ATG9A: variants seen among roughly 807,000 people sequenced by gnomAD.
The protein encoded by ATG9A is autophagy related 9A.
A neutral mutation model predicts 87.1 loss-of-function variants in ATG9A; 21 were observed. The observed-to-expected ratio is 0.24, with a 90% CI of 0.17 to 0.35. The LOEUF (loss-of-function observed/expected upper bound fraction) is 0.35, where lower values mean the gene tolerates loss of function less well. Ranked by LOEUF, ATG9A falls within the 10% of genes least tolerant of loss-of-function variation. ATG9A has a pLI of 1.00. For synonymous variants in ATG9A, 422 were observed against 441.3 expected (o/e 0.96, Z 0.55); for missense variants, 836 against 1,107.3 (o/e 0.76, Z 3.48).
At position 219,221,012 on chromosome 2, in the gene ATG9A, C is replaced by G. The variant is rs1028585866; in HGVS notation, c.2368+68G>C. Reference sequence around the variant, plus strand: ...TGTTCTCTCAGACCTCTTTCCTCCCCTTGAGAGGCCCTGGAAGAACCACCC... The same window carrying G: ...TGTTCTCTCAGACCTCTTTCCTCCCGTTGAGAGGCCCTGGAAGAACCACCC... On this transcript the variant is annotated intron_variant, in intron 14 of 15. Transcript: ENST00000361242. 4 of 1,594,336 alleles carry G rather than the reference C, an allele frequency of 2.5e-6. No individual in the cohort carries two copies. The African/African-American group carries it at 5.4e-5, about 21-fold the overall frequency.
Position 219,224,726 on chromosome 2 carries a change from G to A in ATG9A, c.645C>T (p.Phe215=). Residue 215 remains phenylalanine, a synonymous_variant, in exon 8 of 16, where the codon TTC becomes TTT. Coordinates refer to ENST00000361242, the MANE Select transcript of ATG9A (RefSeq NM_001077198.3). This position sits in a 1 kb window ranked among gnomAD's most constrained non-coding sequence, Gnocchi z 7.7. ...ELDIYHRILR[F]QNYMVALVNK... ...TAACCAGTGCCACCATGTAGTTCTG[G>A]AAACGGAGGATGCGGTGGTAGATGT... The A allele has an allele frequency of 6.2e-7, 1 of 1,614,240 alleles. No homozygotes were observed. Among genetic ancestry groups the A allele is most frequent in the Non-Finnish European group, 8.5e-7 (1 of 1,180,050 alleles).
At chr2:219,225,595 T>A in intron 5 of ATG9A, 23 bp from the exon 6 acceptor site, 1 of 1,610,740 alleles carries the variant, frequency 6.2e-7, no homozygotes, top group South Asian at 1.1e-5. Flanking sequence ...GAAGAAGGGG[T>A]GCAGTCTGAG....
Position 219,224,488 on chromosome 2 carries a change from T to C in ATG9A, c.883A>G (p.Ile295Val). ...RLSNRILWIG[I>V]ANFLLCPLIL... is the part of the protein sequence containing the mutation. ...AGGGGGCACAGCAGGAAGTTAGCGA[T>C]GCCAATCCACAGGATGCGGTTGCTG... The change falls in exon 8 of 16, where the codon ATC becomes GTC. Residue 295 changes from isoleucine to valine, a missense_variant. By Grantham distance (29) the Ile-to-Val change is conservative. This residue lies in a region of ATG9A where 512 missense variants were observed against 759.6 expected (regional missense o/e 0.67). Transcript: ENST00000361242. This position sits in a 1 kb window ranked among gnomAD's most constrained non-coding sequence, Gnocchi z 7.7. The C allele has an allele frequency of 3.1e-6, 5 of 1,614,094 alleles. No homozygotes were observed. The highest frequency in any genetic ancestry group is 4.2e-6 in the Non-Finnish European group (5 of 1,179,976).
chr2:219,222,568 C>T lies in ATG9A; in HGVS notation c.1848+77G>A. 1 of 1,593,910 alleles carries T rather than the reference C, an allele frequency of 6.3e-7. No homozygotes were observed. On this transcript the variant is annotated intron_variant, in intron 11 of 15. Coordinates refer to ENST00000361242, the MANE Select transcript of ATG9A (RefSeq NM_001077198.3). The surrounding 1 kb of genome is among the most constrained non-coding windows in gnomAD (Gnocchi z 4.3). ...ACTGAAGAGACAGCAGGAAGCCTTCCACCCCATGCCCGGTCCCTCAACTCC... is the reference window on the plus strand; with the variant it reads ...ACTGAAGAGACAGCAGGAAGCCTTCTACCCCATGCCCGGTCCCTCAACTCC...
chr2:219,221,452 A>C, intron 13 of ATG9A, 150 bp from the exon 14 acceptor site: 1 of 677,358 alleles, frequency 1.5e-6, no homozygotes, highest in East Asian at 3.0e-5. Flanking sequence ...TGTGTAATAT[A>C]CCTCTGATCT....
At position 219,223,820 on chromosome 2, in the gene ATG9A, C is replaced by T. The variant is rs774666866; in HGVS notation, c.1419+49G>A. The T allele has an allele frequency of 3.3e-5, 53 of 1,613,888 alleles. No homozygotes were observed. The highest frequency in any genetic ancestry group is 4.2e-5 in the Non-Finnish European group (50 of 1,179,990). ...GCAGGAGGGAGCCCAGCCCTCACCA[C>T]CGAGCTACCAGCCAGTCTCTAGCAG... On this transcript the variant is annotated intron_variant, in intron 9 of 15. Transcript: ENST00000361242. This position sits in a 1 kb window ranked among gnomAD's most constrained non-coding sequence, Gnocchi z 4.7.
In ATG9A at chr2:219,222,470, G is replaced by A; in HGVS notation, c.1849-20C>T. 1.3e-6 allele frequency: 2 copies of A among 1,545,286 alleles called. No individual in the cohort carries two copies. The highest frequency in any genetic ancestry group is 1.7e-6 in the Non-Finnish European group (2 of 1,147,530). The stretch of plus-strand genomic sequence containing the variant: ...CAGGGGCTATGAACGAAACGGGTAG[G>A]TAGAATTCTTGAGGCAAGAGAAAGG... On this transcript the variant is annotated intron_variant, in intron 11 of 15. Coordinates refer to ENST00000361242, the MANE Select transcript of ATG9A (RefSeq NM_001077198.3). The surrounding 1 kb of genome is among the most constrained non-coding windows in gnomAD (Gnocchi z 4.3).
Position 219,224,367 on chromosome 2 carries a change from T to TA in ATG9A, c.1003dup (p.Tyr335LeufsTer64). On this transcript the variant is annotated frameshift_variant, in exon 8 of 16. Transcript: ENST00000361242. LOFTEE classifies it high-confidence loss of function. The surrounding 1 kb of genome is among the most constrained non-coding windows in gnomAD (Gnocchi z 7.7). ...GAAGTGGCGGAGGTAGCAGCGGCCA[T>TA]AGAGTGACCAGCAGCGTGCTCCCAG... 6.2e-7 allele frequency: 1 copy of TA among 1,613,764 alleles called. No individual in the cohort carries two copies. The highest frequency in any genetic ancestry group is 8.5e-7 in the Non-Finnish European group (1 of 1,180,028).
At position 219,223,579 on chromosome 2, in the gene ATG9A, C is replaced by T; in HGVS notation, c.1599+6G>A. 6.3e-7 allele frequency: 1 copy of T among 1,591,104 alleles called. No individual in the cohort carries two copies. Among genetic ancestry groups the T allele is most frequent in the Non-Finnish European group, 8.6e-7 (1 of 1,167,440 alleles). On this transcript the variant is annotated splice_donor_region_variant and intron_variant, in intron 10 of 15. Coordinates refer to ENST00000361242, the MANE Select transcript of ATG9A (RefSeq NM_001077198.3). This position sits in a 1 kb window ranked among gnomAD's most constrained non-coding sequence, Gnocchi z 4.7. ...CAGGCCACCTGGCTCCCTCCTCTCC[C>T]AGTACCTGGGGATGACCATGCTGGC...
rs1950812693 is a variant in ATG9A, at chr2:219,223,854, T to C, written c.1419+15A>G. On this transcript the variant is annotated intron_variant, in intron 9 of 15. Transcript: ENST00000361242. The surrounding 1 kb of genome is among the most constrained non-coding windows in gnomAD (Gnocchi z 4.7). ...CAGCCAGTCTCTAGCAGGCCCTAAC[T>C]CCAACTCCACTCACTGCCTTGTACT... The C allele has an allele frequency of 1.9e-6, 3 of 1,613,814 alleles. No individual in the cohort carries two copies. The African/African-American group carries it at 4.0e-5, about 22-fold the overall frequency.
Position 219,222,260 on chromosome 2 carries a change from C to CCAA in ATG9A, c.2027+11_2027+12insTTG, listed in dbSNP as rs1950776152. ...CTGCCGTGCCCTCCCATCTTGGCCCCGATTTACTCACCCAGAGCCTGTCAT... is the reference window on the plus strand; with the variant it reads ...CTGCCGTGCCCTCCCATCTTGGCCCCCAAGATTTACTCACCCAGAGCCTGTCAT... On this transcript the variant is annotated intron_variant, in intron 12 of 15. Transcript: ENST00000361242. The surrounding 1 kb of genome is among the most constrained non-coding windows in gnomAD (Gnocchi z 4.3). The CCAA allele has an allele frequency of 1.2e-6, 2 of 1,613,352 alleles. No individual in the cohort carries two copies. Among genetic ancestry groups the CCAA allele is most frequent in the Non-Finnish European group, 1.7e-6 (2 of 1,179,998 alleles).
Position 219,223,081 on chromosome 2 carries a change from T to C in ATG9A, c.1600-188A>G, listed in dbSNP as rs1950794093. Among the ~76,000 whole-genome samples the C allele has an allele frequency of 6.6e-6, 1 of 150,732 alleles. No individual in the cohort carries two copies. On this transcript the variant is annotated intron_variant, in intron 10 of 15. Coordinates refer to ENST00000361242, the MANE Select transcript of ATG9A (RefSeq NM_001077198.3). The surrounding 1 kb of genome is among the most constrained non-coding windows in gnomAD (Gnocchi z 4.7). ...CTGCATGCTGAGCCAGTTACTTGTG[T>C]TGTGCCTTTTTTTTTTTTTTTTTTG...
At chr2:219,225,350 C>G in intron 6 of ATG9A, 61 bp downstream of exon 6, 1 of 1,600,528 alleles carries the variant, frequency 6.2e-7, no homozygotes, top group Non-Finnish European at 8.5e-7. Flanking sequence ...AGACTCCACT[C>G]TATTACCCAC....
chr2:219,226,978 A>G, intron 4 of ATG9A, 45 bp from the exon 5 acceptor site: 1 of 1,522,730 alleles, frequency 6.6e-7, no homozygotes, highest in South Asian at 1.1e-5. Context: ...AGCAGGTAAG[A>G]GCACAGACTT....
Position 219,223,790 on chromosome 2 carries a change from A to C in ATG9A, c.1420-26T>G. Reference sequence around the variant, plus strand: ...CTAAAAGGGCGGGACCAAGGTCACAAGCGAGCAGGAGGGAGCCCAGCCCTC... The same window carrying C: ...CTAAAAGGGCGGGACCAAGGTCACACGCGAGCAGGAGGGAGCCCAGCCCTC... On this transcript the variant is annotated intron_variant, in intron 9 of 15. Coordinates refer to ENST00000361242, the MANE Select transcript of ATG9A (RefSeq NM_001077198.3). This position sits in a 1 kb window ranked among gnomAD's most constrained non-coding sequence, Gnocchi z 4.7. 5.6e-6 allele frequency: 9 copies of C among 1,613,760 alleles called. No individual in the cohort carries two copies. Among genetic ancestry groups the C allele is most frequent in the Non-Finnish European group, 7.6e-6 (9 of 1,179,868 alleles).
chr2:219,223,466 G>A lies in ATG9A; in HGVS notation c.1599+119C>T. The A allele has an allele frequency of 8.3e-7, 1 of 1,200,822 alleles. No individual in the cohort carries two copies. Among genetic ancestry groups the A allele is most frequent in the Non-Finnish European group, 1.1e-6 (1 of 881,736 alleles). The allele number at this position is 1,200,822 out of a possible 1,614,324, so 74.4% of individuals were successfully genotyped here. Reference sequence around the variant, plus strand: ...TCCAGCCCAGGCTCCCAAGCAGTGTGCCCCTGGTATAGGACTGCCTTTGTG... The same window carrying A: ...TCCAGCCCAGGCTCCCAAGCAGTGTACCCCTGGTATAGGACTGCCTTTGTG... On this transcript the variant is annotated intron_variant, in intron 10 of 15. Coordinates refer to ENST00000361242, the MANE Select transcript of ATG9A (RefSeq NM_001077198.3). This position sits in a 1 kb window ranked among gnomAD's most constrained non-coding sequence, Gnocchi z 4.7.
Position 219,222,963 on chromosome 2 carries a change from T to C in ATG9A, c.1600-70A>G, listed in dbSNP as rs997621325. The C allele has an allele frequency of 2.8e-5, 44 of 1,587,170 alleles. No homozygotes were observed. Among genetic ancestry groups the C allele is most frequent in the Non-Finnish European group, 3.6e-5 (42 of 1,166,772 alleles). ...AGCCTTCCTGCACCTTTCCTGTTAG[T>C]GGGGAGGCCTTACCCTTGGAGAACG... On this transcript the variant is annotated intron_variant, in intron 10 of 15. Transcript: ENST00000361242. This position sits in a 1 kb window ranked among gnomAD's most constrained non-coding sequence, Gnocchi z 4.3.
At chr2:219,221,866 G>C (rs1036885893) in intron 13 of ATG9A, among the ~76,000 whole-genome samples, 184 bp downstream of exon 13, 3 of 152,180 alleles carry the variant, frequency 2.0e-5, no homozygotes, top group Non-Finnish European at 4.4e-5. Flanking sequence ...CTGGATTCTA[G>C]GCAGGGGAAA....
At position 219,220,731 on chromosome 2, in the gene ATG9A, G is replaced by A. The variant is rs200603468; in HGVS notation, c.2514+16C>T. 1 of 1,607,594 alleles carries A rather than the reference G, an allele frequency of 6.2e-7. No individual in the cohort carries two copies. The highest frequency in any genetic ancestry group is 1.3e-5 in the African/African-American group (1 of 74,640). On this transcript the variant is annotated intron_variant, in intron 15 of 15. Transcript: ENST00000361242. ...TACTATTTCTGGCAGTTTTTCCTAG[G>A]CCCCGGGGCCCTTACCTTGTGCACC...
Sources: gnomAD v4.1 joint callset for allele counts (sites outside exome capture counted in the v4.1 genomes callset) on GRCh38, gnomAD v4.1.1 for gene constraint, gnomAD v4.1.1 regional missense constraint, Gnocchi (gnomAD v3.1) non-coding constraint, MANE v1.5 for transcripts, NCBI Gene and HGNC (gene_info 2026-07-23, HGNC 2026-07-21) for gene names.